Variants in PDZD2 observed in about 807,000 individuals in gnomAD.
PDZD2 encodes PDZ domain containing 2.
A neutral mutation model predicts 220.7 loss-of-function variants in PDZD2; 90 were observed. The ratio of observed to expected loss-of-function variants is 0.41; its 90% CI spans 0.34 to 0.49. The LOEUF is 0.49. Among genes scored for constraint, PDZD2 ranks in the 20% least tolerant of loss-of-function variants. The pLI is 0.28. For synonymous variants in PDZD2, 1,375 were observed against 1,450.5 expected, an observed-to-expected ratio of 0.95 and a Z score of 1.18; for missense variants, 3,174 against 3,608.5, an observed-to-expected ratio of 0.88 and a Z score of 3.08.
intron 1 of PDZD2, among the ~76,000 whole-genome samples, chr5:31,649,376 A>G (rs1252308824): frequency 6.6e-6 from 1 of 151,454 alleles, no homozygotes; most frequent in African/African-American, 2.4e-5. Context: ...GTTCCGTCCC[A>G]TATCAGAGCT....
At chr5:31,845,095 C>T (rs375386202) in intron 2 of PDZD2, among the ~76,000 whole-genome samples, 6 of 152,262 alleles carry the variant, frequency 3.9e-5, no homozygotes, top group East Asian at 1.9e-4. Context: ...TCTCTCTCTC[C>T]GTCAGATGCC....
At chr5:31,939,015 T>G (rs938259828) in intron 2 of PDZD2, among the ~76,000 whole-genome samples, 4 of 152,192 alleles carry the variant, frequency 2.6e-5, no homozygotes, top group African/African-American at 9.7e-5. Flanking sequence ...CCATCTTTCC[T>G]CCTATATTTG....
At chr5:31,871,129 A>T (rs1738754863) in intron 2 of PDZD2, among the ~76,000 whole-genome samples, 1 of 152,222 alleles carries the variant, frequency 6.6e-6, no homozygotes, top group Non-Finnish European at 1.5e-5. Flanking sequence ...ATATTCATGT[A>T]TATAATATAC....
rs1310506323 is a variant in PDZD2 at position 32,108,399 on chromosome 5, C to CTGA, written c.*267_*269dup. On this transcript the variant is annotated 3_prime_UTR_variant, in exon 25 of 25. Transcript: ENST00000438447. ...GTCCCCTACCTTTATGTTATGTTTA[C>CTGA]TGATGGGGATACAAGATGTGACACA... 12 of 261,308 alleles carry CTGA rather than the reference C, an allele frequency of 4.6e-5. No individual in the cohort carries two copies. The highest frequency in any genetic ancestry group is 7.9e-5 in the Non-Finnish European group (11 of 139,064). 16.2% of individuals were successfully genotyped at this position (261,308 alleles called of 1,614,324 possible).
intron 19 of PDZD2, among the ~76,000 whole-genome samples, chr5:32,079,269 C>CAA (rs796887034): frequency 8.5e-5 from 7 of 82,834 alleles, no homozygotes; most frequent in African/African-American, 3.8e-4. Context: ...AAAAAAAAAA[C>CAA]AAAAAAAAAA....
chr5:31,847,987 G>A, intron 2 of PDZD2: 1 of 410,566 alleles, frequency 2.4e-6, no homozygotes, highest in Non-Finnish European at 4.7e-6. Context: ...TGTATAAGAA[G>A]GCTCATGCTG....
chr5:32,080,141 G>A (rs1483188635), intron 19 of PDZD2, among the ~76,000 whole-genome samples: 1 of 152,132 alleles, frequency 6.6e-6, no homozygotes, highest in Non-Finnish European at 1.5e-5. Context: ...AAGGTCAGGA[G>A]ATCGAGACCA....
intron 1 of PDZD2, chr5:31,738,196 C>T (rs908044734): frequency 6.6e-6 from 1 of 152,194 alleles, no homozygotes; most frequent in Non-Finnish European, 1.5e-5. Context: ...TCAGCTTTAA[C>T]CTCAGACTTT....
intron 3 of PDZD2, among the ~76,000 whole-genome samples, chr5:31,992,814 C>A (rs1456403567): frequency 6.6e-6 from 1 of 151,546 alleles, no homozygotes; most frequent in East Asian, 1.9e-4. Context: ...AGCATATCTT[C>A]CACGGAAAAA....
At chr5:31,833,593 G>A (rs1756755010) in intron 2 of PDZD2, among the ~76,000 whole-genome samples, 2 of 146,556 alleles carry the variant, frequency 1.4e-5, no homozygotes, top group African/African-American at 2.6e-5. Context: ...CCGAGATTGC[G>A]CCATTGCACT....
chr5:31,891,127 C>CATT (rs1561545899), intron 2 of PDZD2, among the ~76,000 whole-genome samples: 1 of 96,420 alleles, frequency 1.0e-5, no homozygotes. Context: ...GGGGTTTTTC[C>CATT]TTTTTTTTTT....
chr5:31,689,353 A>ATATATATATTTTTTTTTT, intron 1 of PDZD2, among the ~76,000 whole-genome samples: 7 of 35,122 alleles, frequency 2.0e-4, no homozygotes, highest in Non-Finnish European at 2.5e-4. Context: ...ATATATATAT[A>ATATATATATTTTTTTTTT]TTTTTTTTTT....
intron 1 of PDZD2, among the ~76,000 whole-genome samples, chr5:31,767,610 G>T (rs1752104280): frequency 6.6e-6 from 1 of 152,100 alleles, no homozygotes; most frequent in African/African-American, 2.4e-5. Context: ...TGAGGTAATT[G>T]ACCCATTTCT....
chr5:31,740,524 C>CAAAAAAAAAAAAAAAAAAAAA (rs58965956), intron 1 of PDZD2, among the ~76,000 whole-genome samples: 4 of 60,096 alleles, frequency 6.7e-5, no homozygotes, highest in Admixed American at 2.1e-4. Context: ...GACTCCGTCT[C>CAAAAAAAAAAAAAAAAAAAAA]AAAAAAAAAA....
intron 2 of PDZD2, among the ~76,000 whole-genome samples, chr5:31,947,278 C>T (rs906801349): frequency 2.0e-5 from 3 of 152,174 alleles, no homozygotes; most frequent in African/African-American, 7.2e-5. Context: ...TCTGGGCTGT[C>T]GCGTTAGAAT....
Position 31,799,096 on chromosome 5 carries a change from C to G in PDZD2, c.-153C>G. The G allele has an allele frequency of 5.0e-6, 3 of 600,742 alleles. No individual in the cohort carries two copies. The highest frequency in any genetic ancestry group is 8.9e-6 in the Non-Finnish European group (3 of 337,858). The allele number at this position is 600,742 out of a possible 1,614,324, so 37.2% of individuals were successfully genotyped here. Reference sequence around the variant, plus strand: ...CTCCTGCCAAGGCAAACAGCATAGTCTCGAGTAGGTGTCCCTAGGCTCATC... The same window carrying G: ...CTCCTGCCAAGGCAAACAGCATAGTGTCGAGTAGGTGTCCCTAGGCTCATC... On this transcript the variant is annotated 5_prime_UTR_variant, in exon 2 of 25. Coordinates refer to ENST00000438447, the MANE Select transcript of PDZD2 (RefSeq NM_178140.4).
intron 2 of PDZD2, chr5:31,822,723 T>C: frequency 8.0e-7 from 1 of 1,252,224 alleles, no homozygotes; most frequent in African/African-American, 1.5e-5. Context: ...CTTTCTGAGT[T>C]TGAGATACTG....
In PDZD2 at chr5:32,073,816, T is replaced by C. The variant is rs772834506; in HGVS notation, c.2726-16T>C. ...AGCTCAATTTCACTTGACTTTTCTG[T>C]CCCCACCTCCACCAGCTCACAAGGA... On this transcript the variant is annotated splice_polypyrimidine_tract_variant and intron_variant, in intron 17 of 24. Transcript: ENST00000438447. 2.5e-6 allele frequency: 4 copies of C among 1,575,590 alleles called. No individual in the cohort carries two copies. The Admixed American group carries it at 7.3e-5, about 29-fold the overall frequency.
chr5:31,761,872 A>G (rs1169564749), intron 1 of PDZD2, among the ~76,000 whole-genome samples: 1 of 151,770 alleles, frequency 6.6e-6, no homozygotes, highest in Non-Finnish European at 1.5e-5. Context: ...AAAAAAAAAA[A>G]AAAGAGGGTT....
Sources: allele counts gnomAD v4.1 joint callset (sites outside exome capture counted in the v4.1 genomes callset), GRCh38; gene constraint gnomAD v4.1.1; transcripts MANE v1.5; gene names NCBI Gene and HGNC (gene_info 2026-07-23, HGNC 2026-07-21).